Variants in ARL15 observed in about 807,000 individuals in gnomAD.
The protein encoded by ARL15 is ADP-ribosylation factor-like protein 15.
ARL15 carries 19 observed loss-of-function variants against 25.2 expected under a neutral mutation model. The ratio of observed to expected loss-of-function variants is 0.75; its 90% CI spans 0.53 to 1.10. The LOEUF is 1.10. Ranked by LOEUF, ARL15 falls within the 50% of genes least tolerant of loss-of-function variation. The pLI is 0.00. For synonymous variants in ARL15, 94 were observed against 86.8 expected (o/e 1.08, Z -0.46); for missense variants, 220 against 246.0 (o/e 0.89, Z 0.71).
chr5:54,208,563 T>C (rs968496403), intron 1 of ARL15, among the ~76,000 whole-genome samples: 1 of 152,150 alleles, frequency 6.6e-6, no homozygotes, highest in Non-Finnish European at 1.5e-5. Context: ...ATGATGCTGC[T>C]CTGGATAGCA....
intron 4 of ARL15, among the ~76,000 whole-genome samples, chr5:54,045,917 A>C (rs535365810): frequency 6.6e-6 from 1 of 152,310 alleles, no homozygotes; most frequent in East Asian, 1.9e-4. Flanking sequence ...TTTCTGTCCT[A>C]CTTGATTGGT....
At chr5:54,095,659 C>T (rs543659233) in intron 4 of ARL15, among the ~76,000 whole-genome samples, 1 of 152,174 alleles carries the variant, frequency 6.6e-6, no homozygotes, top group East Asian at 1.9e-4. Context: ...TTTCTCCCCC[C>T]AAGTACTAGA....
chr5:53,931,920 C>A (rs1746205685), intron 4 of ARL15, among the ~76,000 whole-genome samples: 1 of 152,174 alleles, frequency 6.6e-6, no homozygotes, highest in Non-Finnish European at 1.5e-5. Flanking sequence ...ATTCCCTGCC[C>A]ATCCGGCACA....
chr5:54,091,259 C>T (rs1752119509), intron 4 of ARL15, among the ~76,000 whole-genome samples: 1 of 152,136 alleles, frequency 6.6e-6, no homozygotes, highest in Admixed American at 6.5e-5. Context: ...CCAAGACCAG[C>T]CAAACAACCT....
intron 1 of ARL15, among the ~76,000 whole-genome samples, chr5:54,211,006 T>C (rs1756022514): frequency 6.6e-6 from 1 of 152,202 alleles, no homozygotes; most frequent in Admixed American, 6.5e-5. Flanking sequence ...TAATAAGTAG[T>C]TTTTGCTTAT....
chr5:54,162,434 A>C (rs1235558478), intron 2 of ARL15, among the ~76,000 whole-genome samples: 1 of 152,066 alleles, frequency 6.6e-6, no homozygotes, highest in African/African-American at 2.4e-5. Context: ...TTCTTCCTCC[A>C]TACACTAGCA....
At chr5:54,136,702 T>C (rs2112295397) in intron 3 of ARL15, among the ~76,000 whole-genome samples, 1 of 152,284 alleles carries the variant, frequency 6.6e-6, no homozygotes, top group South Asian at 2.1e-4. Context: ...TAAACAAAAC[T>C]CACAGCCTGC....
chr5:53,989,389 C>T (rs1407673024), intron 4 of ARL15, among the ~76,000 whole-genome samples: 1 of 152,122 alleles, frequency 6.6e-6, no homozygotes, highest in African/African-American at 2.4e-5. Flanking sequence ...ACTGACTAAA[C>T]GGTGATTCTT....
chr5:54,030,829 C>T (rs1749957834), intron 4 of ARL15, among the ~76,000 whole-genome samples: 1 of 152,084 alleles, frequency 6.6e-6, no homozygotes, highest in Non-Finnish European at 1.5e-5. Context: ...AAAATCAGTT[C>T]TAATATTAGA....
intron 4 of ARL15, among the ~76,000 whole-genome samples, chr5:53,949,869 A>G (rs1746886389): frequency 6.6e-6 from 1 of 152,234 alleles, no homozygotes; most frequent in African/African-American, 2.4e-5. Context: ...GAGTGAAAAA[A>G]CAAACTAAAC....
chr5:54,054,543 C>G (rs1009932647), intron 4 of ARL15, among the ~76,000 whole-genome samples: 5 of 152,180 alleles, frequency 3.3e-5, no homozygotes, highest in Non-Finnish European at 7.3e-5. Context: ...GTAATCCCAG[C>G]ACTTTGGGAG....
chr5:54,190,452 C>G (rs1708069501), intron 1 of ARL15, among the ~76,000 whole-genome samples: 2 of 151,866 alleles, frequency 1.3e-5, no homozygotes, highest in South Asian at 4.1e-4. Context: ...TTAGACTGTT[C>G]CTGTTGCTCC....
intron 1 of ARL15, among the ~76,000 whole-genome samples, chr5:54,302,821 T>C (rs760319586): frequency 1.3e-4 from 19 of 151,176 alleles, no homozygotes; most frequent in Non-Finnish European, 2.2e-4. Flanking sequence ...CTTGGTACTT[T>C]ACAGACACTC....
intron 3 of ARL15, among the ~76,000 whole-genome samples, chr5:54,140,868 T>G (rs1419412190): frequency 6.6e-6 from 1 of 152,066 alleles, no homozygotes; most frequent in Admixed American, 6.5e-5. Flanking sequence ...AAACACAAAC[T>G]GTCTAGATAG....
intron 1 of ARL15, among the ~76,000 whole-genome samples, chr5:54,236,981 T>C (rs537071100): frequency 1.3e-5 from 2 of 152,296 alleles, no homozygotes; most frequent in East Asian, 3.9e-4. Flanking sequence ...GAAAATGATG[T>C]GTACAAAGGA....
chr5:54,190,392 C>CAAA (rs35551500), intron 1 of ARL15, among the ~76,000 whole-genome samples: 2 of 120,052 alleles, frequency 1.7e-5, no homozygotes, highest in African/African-American at 6.3e-5. Context: ...GACGTTGTCT[C>CAAA]AAAAAAAAAA....
At chr5:53,960,532 T>A (rs552884930) in intron 4 of ARL15, among the ~76,000 whole-genome samples, 3 of 152,312 alleles carry the variant, frequency 2.0e-5, no homozygotes, top group Admixed American at 6.5e-5. Context: ...TATTCTGTTG[T>A]GACAGGAGCA....
At chr5:54,149,135 C>A (rs996595905) in intron 3 of ARL15, among the ~76,000 whole-genome samples, 1 of 151,992 alleles carries the variant, frequency 6.6e-6, no homozygotes, top group Non-Finnish European at 1.5e-5. Context: ...TTTCATAATG[C>A]GGTTAAAGTA....
intron 4 of ARL15, among the ~76,000 whole-genome samples, chr5:53,952,459 A>G (rs1452218502): frequency 6.6e-6 from 1 of 152,170 alleles, no homozygotes; most frequent in African/African-American, 2.4e-5. Flanking sequence ...AAAGGCCACA[A>G]AAGTAATTTT....
Sources: gnomAD v4.1 joint callset for allele counts (sites outside exome capture counted in the v4.1 genomes callset) on GRCh38, gnomAD v4.1.1 for gene constraint, MANE v1.5 for transcripts, NCBI Gene and HGNC (gene_info 2026-07-23, HGNC 2026-07-21) for gene names.